CEP112: variants seen among roughly 807,000 people sequenced by gnomAD.
CEP112 encodes centrosomal protein 112.
CEP112 carries 127 observed loss-of-function variants against 153.0 expected under a neutral mutation model. The ratio of observed to expected loss-of-function variants is 0.83; its 90% confidence interval spans 0.72 to 0.96. The LOEUF (loss-of-function observed/expected upper bound fraction) is 0.96. Among genes scored for constraint, CEP112 ranks in the 40% least tolerant of loss-of-function variants. The probability of loss-of-function intolerance (pLI) is 0.00; values close to 1 mark genes in which losing one functional copy is unlikely to be tolerated. For missense variants in CEP112, 1,089 were observed against 1,101.2 expected, an observed-to-expected ratio of 0.99 and a Z score of 0.16; for synonymous variants, 358 against 374.4, an observed-to-expected ratio of 0.96 and a Z score of 0.51.
intron 24 of CEP112, among the ~76,000 whole-genome samples, chr17:65,674,214 A>G (rs1361750541): frequency 6.6e-6 from 1 of 152,254 alleles, no homozygotes; most frequent in Non-Finnish European, 1.5e-5. Flanking sequence ...ACAAATCAAT[A>G]GAAACAATTA....
chr17:66,067,138 A>C (rs1294702521), intron 9 of CEP112, among the ~76,000 whole-genome samples: 1 of 152,038 alleles, frequency 6.6e-6, no homozygotes, highest in East Asian at 1.9e-4. Context: ...CATGTTAATA[A>C]TTCTAGCCTA....
At chr17:65,986,689 A>C (rs1337994690) in intron 17 of CEP112, among the ~76,000 whole-genome samples, 3 of 28,922 alleles carry the variant, frequency 1.0e-4, no homozygotes, top group African/African-American at 6.1e-4. Flanking sequence ...TATTTCATTC[A>C]AAAAATCAAA....
chr17:65,956,539 C>A (rs988468216), intron 18 of CEP112, among the ~76,000 whole-genome samples: 10 of 151,774 alleles, frequency 6.6e-5, no homozygotes, highest in Non-Finnish European at 1.3e-4. Context: ...AACCAAACAT[C>A]GTATGTTCTT....
chr17:65,767,789 T>C (rs760432713), intron 21 of CEP112, among the ~76,000 whole-genome samples: 2 of 151,994 alleles, frequency 1.3e-5, no homozygotes, highest in Non-Finnish European at 2.9e-5. Flanking sequence ...AACAGATTAA[T>C]TCCTAGGAAA....
chr17:65,914,916 C>A (rs1188651044), intron 19 of CEP112, among the ~76,000 whole-genome samples: 1 of 152,182 alleles, frequency 6.6e-6, no homozygotes, highest in Non-Finnish European at 1.5e-5. Flanking sequence ...TCTACTGAAA[C>A]CAGTCTTGTT....
At chr17:66,039,706 T>C (rs2065891329) in intron 12 of CEP112, among the ~76,000 whole-genome samples, 1 of 152,164 alleles carries the variant, frequency 6.6e-6, no homozygotes, top group Non-Finnish European at 1.5e-5. Flanking sequence ...CCACTAGAAG[T>C]GTGAACATTG....
chr17:65,650,891 C>T (rs1055054523), intron 24 of CEP112, among the ~76,000 whole-genome samples: 7 of 151,632 alleles, frequency 4.6e-5, no homozygotes, highest in Admixed American at 6.6e-5. Flanking sequence ...TTCTCTCTCT[C>T]GCTCTCTTTT....
At chr17:66,172,235 G>A (rs966742885) in intron 4 of CEP112, among the ~76,000 whole-genome samples, 3 of 152,164 alleles carry the variant, frequency 2.0e-5, no homozygotes, top group Admixed American at 6.5e-5. Context: ...AAAAACACAA[G>A]TTCCTACCTC....
chr17:65,908,291 C>T lies in CEP112; in HGVS notation c.1981-5957G>A, dbSNP rs146694027. Among the ~76,000 whole-genome samples the T allele has an allele frequency of 3.0e-4, 45 of 152,264 alleles. No homozygotes were observed. In the East Asian group the frequency reaches 4.2e-3, roughly 14 times the overall value. ...GCCCTCATGTGCAAGCACCTGGTGG[C>T]ATATGATAGTCCTTTGAGAAGCTAG... is the stretch of plus-strand genomic sequence containing the variant. On this transcript the variant is annotated intron_variant, in intron 19 of 26. Transcript: ENST00000535342.
chr17:66,166,915 A>G (rs1011566800), intron 4 of CEP112, among the ~76,000 whole-genome samples: 1 of 151,902 alleles, frequency 6.6e-6, no homozygotes. Flanking sequence ...AAAAAAAAAA[A>G]AAAAAAACAC....
chr17:65,833,390 C>A (rs930202509), intron 21 of CEP112, among the ~76,000 whole-genome samples: 4 of 152,060 alleles, frequency 2.6e-5, no homozygotes, highest in African/African-American at 9.7e-5. Flanking sequence ...AAAGGACATC[C>A]GAATAAGAAA....
intron 6 of CEP112, among the ~76,000 whole-genome samples, chr17:66,105,568 C>G (rs2068747306): frequency 6.6e-6 from 1 of 152,086 alleles, no homozygotes. Flanking sequence ...CCACGGTGGG[C>G]AGATTGCTTG....
At chr17:66,190,510 T>C (rs1598534938) in intron 1 of CEP112, among the ~76,000 whole-genome samples, 1 of 151,912 alleles carries the variant, frequency 6.6e-6, no homozygotes, top group Admixed American at 6.6e-5. Context: ...CTATCAGTTA[T>C]ATAAATTATT....
intron 21 of CEP112, among the ~76,000 whole-genome samples, chr17:65,805,277 T>G (rs2055532683): frequency 6.6e-6 from 1 of 152,206 alleles, no homozygotes; most frequent in South Asian, 2.1e-4. Flanking sequence ...AGATCAGAGT[T>G]CCAGTGGCAA....
Position 65,852,004 on chromosome 17 carries a change from T to G in CEP112, c.2194A>C (p.Lys732Gln). The change falls in exon 21 of 27, where the codon AAG becomes CAG. Residue 732 changes from lysine to glutamine, a missense_variant. Coordinates refer to ENST00000535342, the MANE Select transcript of CEP112 (RefSeq NM_001199165.4). Reference sequence around the variant, plus strand: ...ACATTGATCAATTCTTCTCTCAACTTGTGAACCTGGGCCTCCATGTCGGCA... The same window carrying G: ...ACATTGATCAATTCTTCTCTCAACTGGTGAACCTGGGCCTCCATGTCGGCA... ...VIADMEAQVH[K>Q]LREELINVNS... The G allele has an allele frequency of 6.2e-7, 1 of 1,612,490 alleles. No homozygotes were observed. The highest frequency in any genetic ancestry group is 8.5e-7 in the Non-Finnish European group (1 of 1,179,666).
intron 19 of CEP112, among the ~76,000 whole-genome samples, chr17:65,906,517 C>G (rs866161968): frequency 1.3e-5 from 2 of 152,060 alleles, no homozygotes; most frequent in Non-Finnish European, 2.9e-5. Flanking sequence ...TGAACATATA[C>G]ACTTATAACA....
chr17:66,157,099 A>G (rs1448738890), intron 4 of CEP112, among the ~76,000 whole-genome samples: 1 of 152,192 alleles, frequency 6.6e-6, no homozygotes, highest in African/African-American at 2.4e-5. Flanking sequence ...GGTTGCAATG[A>G]AGGAAAAAAT....
intron 16 of CEP112, among the ~76,000 whole-genome samples, chr17:66,024,150 G>T (rs113237629): frequency 5.9e-5 from 9 of 152,194 alleles, no homozygotes; most frequent in African/African-American, 2.2e-4. Flanking sequence ...AACAAATTAG[G>T]CATAGAAGGA....
chr17:65,661,018 A>C (rs1041039057), intron 24 of CEP112, among the ~76,000 whole-genome samples: 5 of 152,198 alleles, frequency 3.3e-5, no homozygotes, highest in African/African-American at 1.2e-4. Flanking sequence ...CTGTAGATTA[A>C]AGACAACCTC....
Sources: gnomAD v4.1 joint callset for allele counts (sites outside exome capture counted in the v4.1 genomes callset) on GRCh38, gnomAD v4.1.1 for gene constraint, MANE v1.5 for transcripts, NCBI Gene and HGNC (gene_info 2026-07-23, HGNC 2026-07-21) for gene names.